The following POGZ variants were observed in gnomAD, a reference collection of about 807,000 sequenced individuals.
POGZ encodes pogo transposable element derived with ZNF domain.
Under a neutral mutation model 134.6 loss-of-function variants are expected in POGZ, and 17 were observed. The ratio of observed to expected loss-of-function variants is 0.13; its 90% confidence interval spans 0.09 to 0.19. The LOEUF is 0.19. Among genes scored for constraint, POGZ ranks in the 10% least tolerant of loss-of-function variants. POGZ has a pLI of 1.00. For missense variants in POGZ, 1,306 were observed against 1,769.7 expected, an observed-to-expected ratio of 0.74 and a Z score of 4.70; for synonymous variants, 693 against 657.1, an observed-to-expected ratio of 1.05 and a Z score of -0.84.
At chr1:151,420,658 T>C (rs1367976611) in intron 10 of POGZ, among the ~76,000 whole-genome samples, 1 of 152,072 alleles carries the variant, frequency 6.6e-6, no homozygotes, top group Non-Finnish European at 1.5e-5. Flanking sequence ...AGTCCAAAGT[T>C]TCACTGTCTA....
chr1:151,446,092 C>T (rs1661218876), intron 1 of POGZ, among the ~76,000 whole-genome samples: 2 of 144,192 alleles, frequency 1.4e-5, no homozygotes, highest in Non-Finnish European at 1.5e-5. Flanking sequence ...CAAGGGCAGC[C>T]TTTCAACTGT....
rs565589707 is a variant in POGZ at position 151,436,193 on chromosome 1, G to C, written c.283+4735C>G. On this transcript the variant is annotated intron_variant, in intron 3 of 18. Coordinates refer to ENST00000271715, the MANE Select transcript of POGZ (RefSeq NM_015100.4). ...GGCTGGTCTCGAACTCCTGACCTCA[G>C]GTGATCCGCCTGCCTTGGCTTCCCA... Among the ~76,000 whole-genome samples, 143 of 152,128 alleles carry C rather than the reference G, an allele frequency of 9.4e-4. 1 individual carries two copies. Among genetic ancestry groups the C allele is most frequent in the African/African-American group, 3.3e-3 (139 of 41,512 alleles).
chr1:151,416,651 C>G lies in POGZ; in HGVS notation c.1679-4255G>C, dbSNP rs138150254. ...TTTTTTTTTTTTTTTTGAGATAGGG[C>G]CTTACTCTGTCACCCAGGCTGGAGA... On this transcript the variant is annotated intron_variant, in intron 10 of 18. Transcript: ENST00000271715. Among the ~76,000 whole-genome samples the G allele has an allele frequency of 3.8e-4, 53 of 138,888 alleles. No individual in the cohort carries two copies. In the East Asian group the frequency reaches 0.011, roughly 28 times the overall value. The allele number at this position is 138,888 out of a possible 152,430, so 91.1% of individuals were successfully genotyped here.
chr1:151,448,369 C>A (rs369363930), intron 1 of POGZ, among the ~76,000 whole-genome samples: 5 of 151,960 alleles, frequency 3.3e-5, no homozygotes, highest in Non-Finnish European at 5.9e-5. Flanking sequence ...CCTAGCACTT[C>A]GGGAGGCTGA....
chr1:151,450,879 T>C (rs1661966473), intron 1 of POGZ: 1 of 151,526 alleles, frequency 6.6e-6, no homozygotes, highest in Non-Finnish European at 1.5e-5. Context: ...AAGCCAAAGG[T>C]TATGATTGTA....
chr1:151,440,432 A>C (rs1660347255), intron 3 of POGZ, among the ~76,000 whole-genome samples: 1 of 151,800 alleles, frequency 6.6e-6, no homozygotes, highest in Admixed American at 6.6e-5. Flanking sequence ...CCTTTCTATT[A>C]AAAAAAATAA....
Position 151,402,828 on chromosome 1 carries a change from AC to A in POGZ, c.*1973del, listed in dbSNP as rs965748100. ...AGCCATGCAGGCAGAGTCCACAAAG[AC>A]AACTTCCTGGCCAAAACCCAGCTGA... On this transcript the variant is annotated 3_prime_UTR_variant, in exon 19 of 19. Transcript: ENST00000271715. 5 of 152,682 alleles carry A rather than the reference AC, an allele frequency of 3.3e-5. No homozygotes were observed. The highest frequency in any genetic ancestry group is 9.6e-5 in the African/African-American group (4 of 41,578). The allele number at this position is 152,682 out of a possible 1,614,324, so 9.5% of individuals were successfully genotyped here. A position where few individuals can be genotyped will look rare whatever the true frequency, so the allele number is the denominator to read the frequency against.
At position 151,424,279 on chromosome 1, in the gene POGZ, C is replaced by A; in HGVS notation, c.1193G>T (p.Cys398Phe). 1 of 1,579,898 alleles carries A rather than the reference C, an allele frequency of 6.3e-7. No individual in the cohort carries two copies. The highest frequency in any genetic ancestry group is 8.6e-7 in the Non-Finnish European group (1 of 1,160,456). The part of the protein sequence containing the change: ...EALRGHMCYC[C>F]PEMVEYQKKG... The stretch of plus-strand genomic sequence containing the variant: ...CTTCTGGTATTCAACCATTTCTGGG[C>A]AACAGTACTATAAAGAAAGACATCT... Residue 398 changes from cysteine (C) to phenylalanine (F), a missense_variant, in exon 9 of 19, where the codon TGC (cysteine) becomes TTC (phenylalanine). Cys to Phe is a radical substitution (Grantham distance 205). This residue lies in a region of POGZ where 541 missense variants were observed against 680.5 expected (regional missense o/e 0.80). Coordinates refer to ENST00000271715, the MANE Select transcript of POGZ (RefSeq NM_015100.4).
rs374645463 is a variant in POGZ at position 151,430,844 on chromosome 1, A to G, written c.284-3T>C. Reference sequence around the variant, plus strand: ...TTGCTGGACCAAAGGATTGCCAGCTAAAGGGTAAAGGAAGAAAAAAAAAAA... The same window carrying G: ...TTGCTGGACCAAAGGATTGCCAGCTGAAGGGTAAAGGAAGAAAAAAAAAAA... On this transcript the variant is annotated splice_region_variant and splice_polypyrimidine_tract_variant and intron_variant, in intron 3 of 18. Transcript: ENST00000271715. 11 of 1,548,080 alleles carry G rather than the reference A, an allele frequency of 7.1e-6. No homozygotes were observed. Among genetic ancestry groups the G allele is most frequent in the African/African-American group, 1.4e-5 (1 of 69,582 alleles).
chr1:151,444,162 C>T (rs1215442488), intron 1 of POGZ, among the ~76,000 whole-genome samples: 1 of 152,104 alleles, frequency 6.6e-6, no homozygotes, highest in Non-Finnish European at 1.5e-5. Flanking sequence ...CTTTAATCTT[C>T]TATTTTAATT....
intron 1 of POGZ, among the ~76,000 whole-genome samples, chr1:151,447,198 C>T (rs538005567): frequency 6.6e-6 from 1 of 151,986 alleles, no homozygotes; most frequent in Admixed American, 6.5e-5. Flanking sequence ...CCAGCCTGGC[C>T]AACACGGTGA....
chr1:151,423,559 A>G lies in POGZ; in HGVS notation c.1524-8T>C, dbSNP rs771501028. On this transcript the variant is annotated splice_polypyrimidine_tract_variant and splice_region_variant and intron_variant, in intron 9 of 18. Coordinates refer to ENST00000271715, the MANE Select transcript of POGZ (RefSeq NM_015100.4). ...TTCATATGGTTCATGAATCTGTAATAAAGCACAAAGAGAAAGTACAGAAAA... is the reference window on the plus strand; with the variant it reads ...TTCATATGGTTCATGAATCTGTAATGAAGCACAAAGAGAAAGTACAGAAAA... 1.9e-6 allele frequency: 3 copies of G among 1,597,732 alleles called. No homozygotes were observed. The African/African-American group carries it at 4.0e-5, about 22-fold the overall frequency.
Position 151,424,012 on chromosome 1 carries a change from A to C in POGZ, c.1460T>G (p.Phe487Cys). The change falls in exon 9 of 19, where the codon TTC (phenylalanine) becomes TGC (cysteine). Residue 487 changes from phenylalanine (F) to cysteine (C), a missense_variant. Transcript: ENST00000271715. ...TCGGAAAGATGTGGCGACCTTAGGG[A>C]AATTTGTGAGCTGGGCTACTTTGCC... ...DGGKVAQLTN[F>C]PKVATSFRCP... is the part of the protein sequence containing the mutation. The C allele has an allele frequency of 6.2e-7, 1 of 1,614,114 alleles. No individual in the cohort carries two copies. The highest frequency in any genetic ancestry group is 8.5e-7 in the Non-Finnish European group (1 of 1,180,022).
rs755196577 is a variant in POGZ, at chr1:151,406,974, C to T, written c.2482G>A (p.Asp828Asn). 1 of 1,614,120 alleles carries T rather than the reference C, an allele frequency of 6.2e-7. No homozygotes were observed. Among genetic ancestry groups the T allele is most frequent in the Non-Finnish European group, 8.5e-7 (1 of 1,180,000 alleles). ...AATACCAAATGCTTGGCCATAGCAT[C>T]GCCCACAGAGGTAACAAAGGTACAT... ...TSCTFVTSVG[D>N]AMAKHLVFNP... The change falls in exon 17 of 19, where the codon GAT becomes AAT. Residue 828 changes from aspartate (D) to asparagine (N), a missense_variant. Asp to Asn is a conservative substitution (Grantham distance 23). Coordinates refer to ENST00000271715, the MANE Select transcript of POGZ (RefSeq NM_015100.4).
At position 151,450,644 on chromosome 1, in the gene POGZ, G is replaced by A. The variant is rs139896822; in HGVS notation, c.-1-8439C>T. The stretch of plus-strand genomic sequence containing the variant: ...CTGGGTTTTACAGGCATGAGCAGTC[G>A]TGCCCAGCCTCCCCAGTTCTAAATT... On this transcript the variant is annotated intron_variant, in intron 1 of 18. Coordinates refer to ENST00000271715, the MANE Select transcript of POGZ (RefSeq NM_015100.4). Among the ~76,000 whole-genome samples, 34 of 152,194 alleles carry A rather than the reference G, an allele frequency of 2.2e-4. No homozygotes were observed. The East Asian group carries it at 6.0e-3, about 27-fold the overall frequency.
At chr1:151,450,658 C>G (rs1661935217) in intron 1 of POGZ, among the ~76,000 whole-genome samples, 1 of 152,132 alleles carries the variant, frequency 6.6e-6, no homozygotes, top group Non-Finnish European at 1.5e-5. Flanking sequence ...CCAGCCTCCC[C>G]AGTTCTAAAT....
chr1:151,458,674 G>A (rs1299920434), intron 1 of POGZ, among the ~76,000 whole-genome samples: 3 of 142,286 alleles, frequency 2.1e-5, no homozygotes, highest in Non-Finnish European at 4.7e-5. Flanking sequence ...CCGCCGTCTC[G>A]CCACCGCCCG....
At chr1:151,457,396 C>A (rs184534569) in intron 1 of POGZ, among the ~76,000 whole-genome samples, 3 of 149,964 alleles carry the variant, frequency 2.0e-5, no homozygotes, top group Admixed American at 6.6e-5. Context: ...AGATGACAAC[C>A]CCCCTCTGCT....
At chr1:151,450,118 G>A (rs1457821482) in intron 1 of POGZ, among the ~76,000 whole-genome samples, 3 of 125,850 alleles carry the variant, frequency 2.4e-5, no homozygotes, top group South Asian at 2.7e-4. Flanking sequence ...TGCAACCTCC[G>A]CCTACCGGGT....
Sources: gnomAD v4.1 joint callset for allele counts (sites outside exome capture counted in the v4.1 genomes callset) on GRCh38, gnomAD v4.1.1 for gene constraint, gnomAD v4.1.1 regional missense constraint, MANE v1.5 for transcripts, NCBI Gene and HGNC (gene_info 2026-07-23, HGNC 2026-07-21) for gene names.